ZXDC: variants seen among roughly 807,000 people sequenced by gnomAD.
The protein encoded by ZXDC is ZXD family zinc finger C, also known as zinc finger protein ZXDC.
Under a neutral mutation model 63.6 loss-of-function variants are expected in ZXDC, and 58 were observed. The observed-to-expected ratio is 0.91, with a 90% CI of 0.74 to 1.13. ZXDC has a LOEUF of 1.13. ZXDC is among the 50% of genes most tolerant of loss of function. The pLI, the probability that ZXDC is intolerant of heterozygous loss-of-function variation, is 0.00. For missense variants in ZXDC, 1,133 were observed against 1,148.9 expected, an observed-to-expected ratio of 0.99 and a Z score of 0.20; for synonymous variants, 561 against 496.1, an observed-to-expected ratio of 1.13 and a Z score of -1.74.
intron 1 of ZXDC, 134 bp from the exon 2 acceptor site, chr3:126,472,439 A>G: frequency 8.9e-7 from 1 of 1,118,646 alleles, no homozygotes; most frequent in Non-Finnish European, 1.2e-6. Flanking sequence ...GCACTCTCTA[A>G]AAAGGGAAGA....
intron 7 of ZXDC, among the ~76,000 whole-genome samples, chr3:126,445,332 C>G (rs1933841638): frequency 6.6e-6 from 1 of 152,110 alleles, no homozygotes; most frequent in South Asian, 2.1e-4. Context: ...CCATGCCCCA[C>G]ATCCCCTCTC....
chr3:126,460,790 T>C lies in ZXDC; in HGVS notation c.2127+745A>G, dbSNP rs535645001. 219 of 985,316 alleles carry C rather than the reference T, an allele frequency of 2.2e-4. 2 individuals carry two copies. The South Asian group carries it at 9.1e-3, about 41-fold the overall frequency. 61.0% of individuals were successfully genotyped at this position (985,316 alleles called of 1,614,324 possible). On this transcript the variant is annotated intron_variant, in intron 6 of 9. Transcript: ENST00000389709. ...CCTCAGCTACTATGTGCCTCACAAC[T>C]GATCCTACTGCAAAAGATGTAACAT...
In ZXDC at chr3:126,468,689, C is replaced by A. The variant is rs140297227; in HGVS notation, c.1270+2206G>T. On this transcript the variant is annotated intron_variant, in intron 4 of 9. Transcript: ENST00000389709. ...CCATCCCCATCTCCCACTCAGGCCA[C>A]CTCTCAGGGCACCAGAGCAGGACTC... Among the ~76,000 whole-genome samples, 335 of 152,348 alleles carry A rather than the reference C, an allele frequency of 2.2e-3. 1 individual carries two copies. The highest frequency in any genetic ancestry group is 2.9e-3 in the Non-Finnish European group (200 of 68,034).
chr3:126,460,676 T>C, intron 6 of ZXDC: 1 of 985,308 alleles, frequency 1.0e-6, no homozygotes, highest in South Asian at 4.7e-5. Flanking sequence ...CAAGCATGGC[T>C]CTGCCACCGA....
At chr3:126,444,705 A>G (rs985212518) in intron 7 of ZXDC, among the ~76,000 whole-genome samples, 1 of 152,248 alleles carries the variant, frequency 6.6e-6, no homozygotes, top group African/African-American at 2.4e-5. Flanking sequence ...GCCATTCATC[A>G]TGATTCAATG....
chr3:126,454,178 T>A lies in ZXDC; in HGVS notation c.2212+5475A>T, dbSNP rs1256341795. ...ATAGGATCTGTTAAATCAACTTTAT[T>A]AATCCCATTTTAAATATCTTTCATA... On this transcript the variant is annotated intron_variant, in intron 7 of 9. Transcript: ENST00000389709. The A allele has an allele frequency of 3.1e-6, 3 of 978,220 alleles. No homozygotes were observed. In the African/African-American group the frequency reaches 5.3e-5, roughly 17 times the overall value. The allele number at this position is 978,220 out of a possible 1,614,324, so 60.6% of individuals were successfully genotyped here.
At position 126,437,764 on chromosome 3, in the gene ZXDC, A is replaced by G. The variant is rs1221633961; in HGVS notation, c.*611T>C. On this transcript the variant is annotated 3_prime_UTR_variant, in exon 10 of 10. Transcript: ENST00000389709. ...TCGGCTATGAATTTAGTCTGGGAAG[A>G]GGGCTCCGTAATAGGCCACTGAGGT... is the stretch of plus-strand genomic sequence containing the variant. 6.6e-6 allele frequency: 1 copy of G among 152,352 alleles called. No individual in the cohort carries two copies. The highest frequency in any genetic ancestry group is 1.5e-5 in the Non-Finnish European group (1 of 68,172). The allele number at this position is 152,352 out of a possible 1,614,324, so 9.4% of individuals were successfully genotyped here.
At position 126,475,838 on chromosome 3, in the gene ZXDC, G is replaced by A; in HGVS notation, c.28C>T (p.Pro10Ser). The A allele has an allele frequency of 9.3e-7, 1 of 1,080,996 alleles. No individual in the cohort carries two copies. Among genetic ancestry groups the A allele is most frequent in the Non-Finnish European group, 1.1e-6 (1 of 892,610 alleles). The allele number at this position is 1,080,996 out of a possible 1,614,324, so 67.0% of individuals were successfully genotyped here. A position where few individuals can be genotyped will look rare whatever the true frequency, so the allele number is the denominator to read the frequency against. The change falls in exon 1 of 10, where the codon CCG becomes TCG. Residue 10 changes from proline to serine, a missense_variant. Pro to Ser is a moderately conservative substitution (Grantham distance 74). Transcript: ENST00000389709. MDLPALLPA[P>S]TARGGQHGGG... is the part of the protein sequence containing the mutation. ...CCATGTTGCCCTCCGCGCGCAGTCG[G>A]GGCGGGGAGCAGCGCCGGGAGGTCC...
intron 4 of ZXDC, among the ~76,000 whole-genome samples, chr3:126,470,483 A>T (rs1338234131): frequency 6.6e-6 from 1 of 152,214 alleles, no homozygotes; most frequent in Non-Finnish European, 1.5e-5. Context: ...ACAAAAAAAG[A>T]AAAAGTCAGT....
chr3:126,454,955 A>G, intron 7 of ZXDC: 1 of 985,454 alleles, frequency 1.0e-6, no homozygotes, highest in Non-Finnish European at 1.2e-6. Context: ...TTCAAATGCT[A>G]TTGCTCAGAC....
chr3:126,468,780 G>A (rs1259066080), intron 4 of ZXDC, among the ~76,000 whole-genome samples: 1 of 151,982 alleles, frequency 6.6e-6, no homozygotes, highest in African/African-American at 2.4e-5. Flanking sequence ...TGGCACCGAG[G>A]CATGTGTTCC....
intron 5 of ZXDC, among the ~76,000 whole-genome samples, chr3:126,463,007 G>A (rs1346453178): frequency 1.3e-5 from 2 of 152,046 alleles, no homozygotes; most frequent in Non-Finnish European, 2.9e-5. Flanking sequence ...AGAGCCATCT[G>A]ACCACCACTG....
chr3:126,439,486 A>G, intron 9 of ZXDC, 146 bp downstream of exon 9: 1 of 1,364,926 alleles, frequency 7.3e-7, no homozygotes, highest in Non-Finnish European at 1.0e-6. Context: ...TCCAGAAGGC[A>G]GCAAGACATC....
chr3:126,467,861 C>T (rs16837505), intron 4 of ZXDC, among the ~76,000 whole-genome samples: 25,961 of 152,164 alleles, frequency 0.17, 2,663 homozygotes, highest in East Asian at 0.39. Flanking sequence ...TGTCAAATGC[C>T]TTCTTGATGG....
chr3:126,441,177 T>G (rs971595586), intron 8 of ZXDC: 18 of 985,510 alleles, frequency 1.8e-5, no homozygotes, highest in Non-Finnish European at 2.2e-5. Context: ...CTCAAAGACC[T>G]CCTGGAAACT....
chr3:126,454,977 T>C (rs1934249618), intron 7 of ZXDC: 1 of 985,334 alleles, frequency 1.0e-6, no homozygotes, highest in Non-Finnish European at 1.2e-6. Context: ...GTACATTTCC[T>C]AAGAACTGAC....
chr3:126,468,130 G>C (rs761817382), intron 4 of ZXDC, among the ~76,000 whole-genome samples: 3 of 151,960 alleles, frequency 2.0e-5, no homozygotes, highest in Non-Finnish European at 1.5e-5. Context: ...ATCACTGACA[G>C]ACCTGTCTGC....
chr3:126,441,833 G>T lies in ZXDC; in HGVS notation c.2326C>A (p.Arg776=). The change falls in exon 8 of 10, where the codon CGG becomes AGG. Residue 776 remains arginine (R), a synonymous_variant. Coordinates refer to ENST00000389709, the MANE Select transcript of ZXDC (RefSeq NM_025112.5). The stretch of plus-strand genomic sequence containing the variant: ...CCAGCTGCTGGAGCTGGTCCTGGCC[G>T]TCCTCCGCTGGGCACCACGAGGCTC... ...CGSLVVPSGG[R]PGPAPAAGVQ... The T allele has an allele frequency of 6.2e-7, 1 of 1,613,690 alleles. No individual in the cohort carries two copies. The highest frequency in any genetic ancestry group is 8.5e-7 in the Non-Finnish European group (1 of 1,179,866).
chr3:126,474,418 G>A (rs1935100935), intron 1 of ZXDC, among the ~76,000 whole-genome samples: 1 of 152,204 alleles, frequency 6.6e-6, no homozygotes, highest in Non-Finnish European at 1.5e-5. Context: ...ATCTGTAAAA[G>A]AGGACAGTTT....
Sources: allele counts gnomAD v4.1 joint callset (sites outside exome capture counted in the v4.1 genomes callset), GRCh38; gene constraint gnomAD v4.1.1; transcripts MANE v1.5; gene names NCBI Gene and HGNC (gene_info 2026-07-23, HGNC 2026-07-21).